The following MIR2052HG variants were observed in gnomAD, a reference collection of about 807,000 sequenced individuals.
The protein encoded by MIR2052HG is MIR2052 host gene.
chr8:74,652,448 T>C (rs547743990), intron 2 of MIR2052HG, among the ~76,000 whole-genome samples: 32 of 152,260 alleles, frequency 2.1e-4, no homozygotes, highest in African/African-American at 7.7e-4. Context: ...CCTTTGCAAA[T>C]TGGCATTGAA....
At chr8:74,616,634 T>C (rs1808286085) in intron 2 of MIR2052HG, among the ~76,000 whole-genome samples, 1 of 152,052 alleles carries the variant, frequency 6.6e-6, no homozygotes, top group Non-Finnish European at 1.5e-5. Flanking sequence ...TGACAGCAAT[T>C]GTATACCAGG....
At chr8:74,609,371 CA>C (rs1299302793) in intron 1 of MIR2052HG, among the ~76,000 whole-genome samples, 1 of 151,832 alleles carries the variant, frequency 6.6e-6, no homozygotes, top group Non-Finnish European at 1.5e-5. Context: ...AACATTTAAA[CA>C]AGAAATAAAG....
intron 2 of MIR2052HG, among the ~76,000 whole-genome samples, chr8:74,697,525 G>A (rs939101647): frequency 4.6e-5 from 7 of 152,020 alleles, no homozygotes; most frequent in African/African-American, 1.7e-4. Context: ...CAGCAAAGAG[G>A]GAGTCAAACT....
At position 74,730,773 on chromosome 8, in the gene MIR2052HG, T is replaced by G. The variant is rs921933989; in HGVS notation, n.372-21668T>G. 2.0e-5 allele frequency among the ~76,000 whole-genome samples: 3 copies of G among 146,984 alleles called. No individual in the cohort carries two copies. The Admixed American group carries it at 2.0e-4, about 10-fold the overall frequency. On this transcript the variant is annotated intron_variant and non_coding_transcript_variant, in intron 4 of 6. Transcript: ENST00000523442. ...AGTTTACATGAATATATATATTGAT[T>G]AACTGTTGAAGCAATTTTTATGAAA...
At chr8:74,713,413 ACT>A (rs1464496190) in intron 4 of MIR2052HG, among the ~76,000 whole-genome samples, 1 of 151,898 alleles carries the variant, frequency 6.6e-6, no homozygotes, top group Non-Finnish European at 1.5e-5. Flanking sequence ...GCCTTCACTG[ACT>A]CTTATTTTAT....
intron 2 of MIR2052HG, among the ~76,000 whole-genome samples, chr8:74,674,666 C>T (rs2128738440): frequency 6.6e-6 from 1 of 151,970 alleles, no homozygotes; most frequent in Middle Eastern, 3.4e-3. Context: ...CTGAATCTCT[C>T]TCCATCTTTT....
chr8:74,728,318 C>T (rs867985819), intron 4 of MIR2052HG, among the ~76,000 whole-genome samples: 3 of 152,170 alleles, frequency 2.0e-5, no homozygotes, highest in African/African-American at 7.2e-5. Flanking sequence ...CTCGGCTTCA[C>T]TTATGTGGCT....
At chr8:74,720,880 A>G (rs1219048854) in intron 4 of MIR2052HG, among the ~76,000 whole-genome samples, 1 of 152,088 alleles carries the variant, frequency 6.6e-6, no homozygotes. Context: ...ACTGCCAAAC[A>G]CTTTTAAACC....
intron 2 of MIR2052HG, among the ~76,000 whole-genome samples, chr8:74,645,571 C>T (rs1808683025): frequency 6.6e-6 from 1 of 152,242 alleles, no homozygotes; most frequent in African/African-American, 2.4e-5. Flanking sequence ...CGGCGCGAGC[C>T]ACTGCGCCCG....
intron 4 of MIR2052HG, among the ~76,000 whole-genome samples, chr8:74,738,023 A>C (rs1329832476): frequency 6.6e-6 from 1 of 152,052 alleles, no homozygotes; most frequent in Non-Finnish European, 1.5e-5. Flanking sequence ...CTATGTATGT[A>C]TATATCTGTT....
intron 2 of MIR2052HG, among the ~76,000 whole-genome samples, chr8:74,648,185 G>A (rs1808713681): frequency 6.6e-6 from 1 of 152,122 alleles, no homozygotes; most frequent in South Asian, 2.1e-4. Flanking sequence ...TCCCAGCAAG[G>A]AATATTAATA....
intron 4 of MIR2052HG, among the ~76,000 whole-genome samples, chr8:74,741,522 C>T (rs530808650): frequency 3.9e-5 from 6 of 152,252 alleles, no homozygotes; most frequent in African/African-American, 1.4e-4. Context: ...TCTCATGAAT[C>T]CACAAATTTA....
intron 1 of MIR2052HG, chr8:74,604,327 C>T: frequency 8.3e-6 from 4 of 479,376 alleles, no homozygotes; most frequent in South Asian, 1.7e-5. Flanking sequence ...AAACTGCTGG[C>T]GCGAGGCGAC....
chr8:74,614,896 C>T (rs1808256501), intron 2 of MIR2052HG, among the ~76,000 whole-genome samples: 1 of 151,664 alleles, frequency 6.6e-6, no homozygotes, highest in South Asian at 2.1e-4. Context: ...CCCCATGAGA[C>T]AAAATATCCC....
chr8:74,706,572 C>T (rs114457767), intron 4 of MIR2052HG, among the ~76,000 whole-genome samples: 2,186 of 152,078 alleles, frequency 0.014, 54 homozygotes, highest in African/African-American at 0.047. Context: ...AACCAGAGCA[C>T]GAGGGGCCTC....
At chr8:74,684,551 A>G (rs1203876968) in intron 2 of MIR2052HG, among the ~76,000 whole-genome samples, 1 of 152,124 alleles carries the variant, frequency 6.6e-6, no homozygotes, top group Non-Finnish European at 1.5e-5. Context: ...TGAATAAATG[A>G]GAACAATAAT....
At chr8:74,650,560 T>G (rs748835992) in intron 2 of MIR2052HG, among the ~76,000 whole-genome samples, 1 of 152,194 alleles carries the variant, frequency 6.6e-6, no homozygotes, top group Non-Finnish European at 1.5e-5. Flanking sequence ...GGTGAAAACT[T>G]AGGAATGGAA....
intron 4 of MIR2052HG, among the ~76,000 whole-genome samples, chr8:74,741,760 C>T (rs372467404): frequency 1.3e-5 from 2 of 152,130 alleles, no homozygotes; most frequent in Non-Finnish European, 2.9e-5. Flanking sequence ...CAGCCTCTTG[C>T]ACTTAGGAAC....
At chr8:74,755,162 C>T (rs754869226) in intron 5 of MIR2052HG, among the ~76,000 whole-genome samples, 13 of 152,214 alleles carry the variant, frequency 8.5e-5, no homozygotes, top group Non-Finnish European at 1.5e-4. Flanking sequence ...CTAGAGATTG[C>T]GATTGTCTTC....
Sources: gnomAD v4.1 joint callset for allele counts (sites outside exome capture counted in the v4.1 genomes callset) on GRCh38, gnomAD v4.1.1 for gene constraint, MANE v1.5 for transcripts, NCBI Gene and HGNC (gene_info 2026-07-23, HGNC 2026-07-21) for gene names.